Variants in PCDH15 observed in about 807,000 individuals in gnomAD.
The protein encoded by PCDH15 is protocadherin-15.
PCDH15 carries 129 observed loss-of-function variants against 178.5 expected under a neutral mutation model. The ratio of observed to expected loss-of-function variants is 0.72; its 90% CI spans 0.63 to 0.84. The LOEUF is 0.84. Ranked by LOEUF, PCDH15 falls within the 40% of genes least tolerant of loss-of-function variation. The probability of loss-of-function intolerance (pLI) is 0.00; values close to 1 mark genes in which losing one functional copy is unlikely to be tolerated. For missense variants in PCDH15, 2,230 were observed against 2,099.9 expected (o/e 1.06, Z -1.21); for synonymous variants, 800 against 732.0 (o/e 1.09, Z -1.50).
intron 3 of PCDH15, among the ~76,000 whole-genome samples, chr10:54,421,693 TACACACAC>T (rs1335935955): frequency 8.6e-6 from 1 of 115,908 alleles, no homozygotes; most frequent in Non-Finnish European, 1.7e-5. Context: ...TATATATATA[TACACACAC>T]ACACACACAC....
intron 1 of PCDH15, among the ~76,000 whole-genome samples, chr10:55,253,659 T>C (rs1841907803): frequency 6.6e-6 from 1 of 152,080 alleles, no homozygotes; most frequent in Non-Finnish European, 1.5e-5. Context: ...TTCAGAAACA[T>C]ATAAACCTAT....
rs113707155 is a variant in PCDH15 at position 54,070,493 on chromosome 10, C to T, written c.2092-3608G>A. Among the ~76,000 whole-genome samples, 1,214 of 152,214 alleles carry T rather than the reference C, an allele frequency of 8.0e-3. 21 individuals carry two copies. Among genetic ancestry groups the T allele is most frequent in the African/African-American group, 0.027 (1,129 of 41,536 alleles). ...TGCTGGGATTACAGGCGTGAGCCAT[C>T]GCACCCAGCTTACTGTTGTAATTTG... On this transcript the variant is annotated intron_variant, in intron 17 of 37. Coordinates refer to ENST00000644397, the MANE Select transcript of PCDH15 (RefSeq NM_001384140.1).
chr10:54,422,497 G>A (rs1011637381), intron 3 of PCDH15, among the ~76,000 whole-genome samples: 5 of 152,160 alleles, frequency 3.3e-5, no homozygotes, highest in African/African-American at 1.2e-4. Flanking sequence ...CAAGAAGAAT[G>A]TAGAGCACAG....
chr10:54,785,317 G>A (rs1950754043), intron 1 of PCDH15, among the ~76,000 whole-genome samples: 1 of 151,766 alleles, frequency 6.6e-6, no homozygotes, highest in South Asian at 2.1e-4. Flanking sequence ...GCATACCTCA[G>A]TATTAATACT....
intron 14 of PCDH15, among the ~76,000 whole-genome samples, chr10:54,152,034 A>C (rs944731878): frequency 3.3e-5 from 5 of 152,232 alleles, no homozygotes; most frequent in African/African-American, 1.2e-4. Context: ...TAATAAATGC[A>C]ACATCTCAAA....
intron 2 of PCDH15, among the ~76,000 whole-genome samples, chr10:54,624,698 C>T (rs1310646278): frequency 6.6e-6 from 1 of 152,162 alleles, no homozygotes; most frequent in Non-Finnish European, 1.5e-5. Flanking sequence ...CAGTGGCTCC[C>T]CATCACTGGC....
intron 1 of PCDH15, among the ~76,000 whole-genome samples, chr10:55,177,069 A>G (rs1839510660): frequency 6.6e-6 from 1 of 152,182 alleles, no homozygotes; most frequent in South Asian, 2.1e-4. Context: ...CTCAAAATTT[A>G]AGGCTCGGCT....
intron 23 of PCDH15, among the ~76,000 whole-genome samples, chr10:53,941,905 C>T (rs2134084644): frequency 6.6e-6 from 1 of 152,254 alleles, no homozygotes; most frequent in African/African-American, 2.4e-5. Flanking sequence ...ATATTTATGA[C>T]AGAGTTTTGA....
intron 1 of PCDH15, among the ~76,000 whole-genome samples, chr10:54,727,312 C>G (rs1394063878): frequency 6.6e-6 from 1 of 151,488 alleles, no homozygotes; most frequent in African/African-American, 2.4e-5. Context: ...CAAAACTATA[C>G]CATTACATAG....
intron 2 of PCDH15, among the ~76,000 whole-genome samples, chr10:54,546,426 A>G (rs987235705): frequency 4.6e-5 from 7 of 152,082 alleles, no homozygotes; most frequent in African/African-American, 1.7e-4. Context: ...AATAAATGAA[A>G]CATTATTATT....
At chr10:55,283,928 ATTTG>A (rs1842799245) in intron 1 of PCDH15, among the ~76,000 whole-genome samples, 1 of 151,944 alleles carries the variant, frequency 6.6e-6, no homozygotes, top group African/African-American at 2.4e-5. Flanking sequence ...GTCTATTACT[ATTTG>A]TTCTGTAAAC....
chr10:55,516,862 T>G (rs1841025589), intron 2 of PCDH15, among the ~76,000 whole-genome samples: 1 of 152,138 alleles, frequency 6.6e-6, no homozygotes. Flanking sequence ...ACATGGGCTG[T>G]GTATTTCAAA....
chr10:54,216,528 CATAAGCAAAG>C (rs1206498268), intron 9 of PCDH15, among the ~76,000 whole-genome samples: 3 of 152,110 alleles, frequency 2.0e-5, no homozygotes, highest in Admixed American at 2.0e-4. Context: ...GACTCTAGAT[CATAAGCAAAG>C]ATAAGCAAAG....
At chr10:54,470,890 T>C (rs1008225703) in intron 3 of PCDH15, among the ~76,000 whole-genome samples, 1 of 152,142 alleles carries the variant, frequency 6.6e-6, no homozygotes, top group Admixed American at 6.6e-5. Flanking sequence ...CCGGATGCTT[T>C]CCATCAGCCA....
chr10:55,085,379 G>A (rs185634860), intron 2 of PCDH15, among the ~76,000 whole-genome samples: 1 of 151,774 alleles, frequency 6.6e-6, no homozygotes, highest in African/African-American at 2.4e-5. Flanking sequence ...AGTGGCAATG[G>A]TTAATGCATA....
intron 2 of PCDH15, among the ~76,000 whole-genome samples, chr10:55,560,671 T>C (rs1842179683): frequency 6.6e-6 from 1 of 151,950 alleles, no homozygotes; most frequent in Non-Finnish European, 1.5e-5. Context: ...TGTCACCATG[T>C]AATATCAATG....
At chr10:55,036,536 C>T (rs1840738017) in intron 2 of PCDH15, among the ~76,000 whole-genome samples, 1 of 152,076 alleles carries the variant, frequency 6.6e-6, no homozygotes, top group African/African-American at 2.4e-5. Context: ...TATGGTCCCG[C>T]TCACATTTCA....
chr10:54,521,348 A>C (rs1236537606), intron 3 of PCDH15, among the ~76,000 whole-genome samples: 2 of 152,148 alleles, frequency 1.3e-5, no homozygotes, highest in Admixed American at 1.3e-4. Flanking sequence ...CTCCTTAGAG[A>C]ATACTGATGG....
intron 2 of PCDH15, among the ~76,000 whole-genome samples, chr10:54,607,706 A>C (rs1389389646): frequency 6.6e-6 from 1 of 151,934 alleles, no homozygotes; most frequent in African/African-American, 2.4e-5. Context: ...AATTTATATT[A>C]TCTTAATATA....
Sources: gnomAD v4.1 joint callset for allele counts (sites outside exome capture counted in the v4.1 genomes callset) on GRCh38, gnomAD v4.1.1 for gene constraint, MANE v1.5 for transcripts, NCBI Gene and HGNC (gene_info 2026-07-23, HGNC 2026-07-21) for gene names.